The following ATOSA variants were observed in gnomAD, a reference collection of about 807,000 sequenced individuals.
ATOSA encodes atos homolog protein A.
At chr15:52,673,928 A>C in the ATOSA span, among the ~76,000 whole-genome samples, 1 of 152,208 alleles carries the variant, frequency 6.6e-6, no homozygotes, top group Non-Finnish European at 1.5e-5. Context: ...GGAAAAAACT[A>C]AGCACTTCTC....
At chr15:52,639,082 GCA>G in the ATOSA span, among the ~76,000 whole-genome samples, 1 of 126,152 alleles carries the variant, frequency 7.9e-6, no homozygotes, top group Admixed American at 7.8e-5. Context: ...TGTCCCAAGA[GCA>G]AAAAAAAAAA....
chr15:52,655,371 CAGAT>C, the ATOSA span, among the ~76,000 whole-genome samples: 2 of 152,078 alleles, frequency 1.3e-5, no homozygotes, highest in African/African-American at 4.8e-5. Context: ...TGACTGCAAA[CAGAT>C]AGCTGTTTTG....
At chr15:52,658,895 G>A in the ATOSA span, 4 of 396,250 alleles carry the variant, frequency 1.0e-5, no homozygotes, top group African/African-American at 6.2e-5. Context: ...TGAGGCAGAA[G>A]GATTGCTTGA....
the ATOSA span, among the ~76,000 whole-genome samples, chr15:52,620,519 G>A: frequency 6.6e-6 from 1 of 152,180 alleles, no homozygotes; most frequent in Non-Finnish European, 1.5e-5. Context: ...CTTTCCCATT[G>A]CTAGGCTGTT....
chr15:52,667,509 G>A, the ATOSA span, among the ~76,000 whole-genome samples: 277 of 152,344 alleles, frequency 1.8e-3, 1 homozygote, highest in East Asian at 0.025. Context: ...GTATACAGAA[G>A]AATACTTTTA....
At chr15:52,699,276 G>T in the ATOSA span, among the ~76,000 whole-genome samples, 1 of 152,026 alleles carries the variant, frequency 6.6e-6, no homozygotes, top group Non-Finnish European at 1.5e-5. Context: ...TGGGACCGAA[G>T]AACATTTTAT....
At chr15:52,605,124 A>G in the ATOSA span, 1 of 1,584,970 alleles carries the variant, frequency 6.3e-7, no homozygotes, top group South Asian at 1.1e-5. Context: ...TAAGAAAAAA[A>G]ATGCTTACAG....
chr15:52,708,200 C>A, the ATOSA span, among the ~76,000 whole-genome samples: 2 of 152,192 alleles, frequency 1.3e-5, no homozygotes, highest in African/African-American at 2.4e-5. Flanking sequence ...GAGACTGATT[C>A]CACAACCAGA....
chr15:52,660,700 G>A, the ATOSA span, among the ~76,000 whole-genome samples: 1 of 152,092 alleles, frequency 6.6e-6, no homozygotes, highest in Non-Finnish European at 1.5e-5. Flanking sequence ...TGCCTAGGCT[G>A]GAGTGCAATG....
the ATOSA span, among the ~76,000 whole-genome samples, chr15:52,709,096 A>G: frequency 6.6e-6 from 1 of 152,194 alleles, no homozygotes; most frequent in Admixed American, 6.5e-5. Context: ...GAAAGAAAAC[A>G]AAAAAGAAAG....
chr15:52,643,590 CT>C, the ATOSA span, among the ~76,000 whole-genome samples: 2,279 of 136,390 alleles, frequency 0.017, 16 homozygotes, highest in Middle Eastern at 0.031. Context: ...GCCTTGAACT[CT>C]TTTTTTTTTT....
At chr15:52,642,593 CAA>C in the ATOSA span, among the ~76,000 whole-genome samples, 1 of 152,154 alleles carries the variant, frequency 6.6e-6, no homozygotes, top group Non-Finnish European at 1.5e-5. Context: ...GGCCAGAGTA[CAA>C]AACTTGTTCC....
At chr15:52,680,093 C>G in the ATOSA span, among the ~76,000 whole-genome samples, 1 of 151,612 alleles carries the variant, frequency 6.6e-6, no homozygotes, top group Non-Finnish European at 1.5e-5. Context: ...AACACTGACT[C>G]ATGGGCAGGA....
the ATOSA span, among the ~76,000 whole-genome samples, chr15:52,702,235 A>G: frequency 6.6e-6 from 1 of 152,194 alleles, no homozygotes; most frequent in Admixed American, 6.5e-5. Context: ...TAGAACTACC[A>G]TTCAACCCAG....
At chr15:52,629,321 G>A in the ATOSA span, among the ~76,000 whole-genome samples, 2 of 152,026 alleles carry the variant, frequency 1.3e-5, no homozygotes, top group South Asian at 2.1e-4. Flanking sequence ...TGGTATATTT[G>A]TTACACTTGA....
chr15:52,623,510 C>A, the ATOSA span, among the ~76,000 whole-genome samples: 1 of 151,848 alleles, frequency 6.6e-6, no homozygotes, highest in Non-Finnish European at 1.5e-5. Flanking sequence ...CATGACAGAG[C>A]CCTGGGGGAC....
At chr15:52,674,906 T>C in the ATOSA span, among the ~76,000 whole-genome samples, 2 of 151,098 alleles carry the variant, frequency 1.3e-5, no homozygotes, top group East Asian at 1.9e-4. Context: ...TTATTTAACA[T>C]AATAAACGAT....
chr15:52,584,666 G>T, the ATOSA span: 1 of 1,219,252 alleles, frequency 8.2e-7, no homozygotes, highest in Non-Finnish European at 1.1e-6. Context: ...GGTCTAGTTA[G>T]AGTCACAGTT....
chr15:52,701,889 C>T, the ATOSA span, among the ~76,000 whole-genome samples: 1 of 151,848 alleles, frequency 6.6e-6, no homozygotes, highest in Admixed American at 6.6e-5. Context: ...CACTTGAGGC[C>T]AGGAGTTTAA....
Sources: allele counts gnomAD v4.1 joint callset (sites outside exome capture counted in the v4.1 genomes callset), GRCh38; gene constraint gnomAD v4.1.1; transcripts MANE v1.5; gene names NCBI Gene and HGNC (gene_info 2026-07-23, HGNC 2026-07-21).